The following CNTNAP2 variants were observed in gnomAD, a reference collection of about 807,000 sequenced individuals.
CNTNAP2 encodes contactin associated protein 2.
Under a neutral mutation model 155.2 loss-of-function variants are expected in CNTNAP2, and 98 were observed. The ratio of observed to expected loss-of-function variants is 0.63; its 90% CI spans 0.54 to 0.75. The LOEUF (loss-of-function observed/expected upper bound fraction) is 0.75. Ranked by LOEUF, CNTNAP2 falls within the 30% of genes least tolerant of loss-of-function variation. The pLI is 0.00. For missense variants in CNTNAP2, 1,727 were observed against 1,688.1 expected, an observed-to-expected ratio of 1.02 and a Z score of -0.40; for synonymous variants, 651 against 631.2, an observed-to-expected ratio of 1.03 and a Z score of -0.47.
intron 3 of CNTNAP2, among the ~76,000 whole-genome samples, chr7:146,894,205 T>C (rs1795833193): frequency 6.6e-6 from 1 of 152,200 alleles, no homozygotes; most frequent in Non-Finnish European, 1.5e-5. Flanking sequence ...AAGGAAACAA[T>C]ATATTCTCTG....
At chr7:146,641,219 T>C (rs746366902) in intron 1 of CNTNAP2, among the ~76,000 whole-genome samples, 2 of 151,966 alleles carry the variant, frequency 1.3e-5, no homozygotes, top group Non-Finnish European at 1.5e-5. Flanking sequence ...CCCAGCTACT[T>C]GGGAGGCTGA....
At chr7:147,938,148 G>A (rs989063086) in intron 14 of CNTNAP2, among the ~76,000 whole-genome samples, 6 of 152,326 alleles carry the variant, frequency 3.9e-5, no homozygotes, top group East Asian at 1.9e-4. Context: ...TCACTGCGTA[G>A]AGATAAGAAC....
intron 1 of CNTNAP2, among the ~76,000 whole-genome samples, chr7:146,232,777 A>G (rs802551): frequency 0.5 from 75,543 of 151,780 alleles, 19,163 homozygotes; most frequent in East Asian, 0.64. Context: ...AGTGACAAAA[A>G]CAATGTCAAA....
chr7:148,063,017 G>C (rs1489209801), intron 15 of CNTNAP2, among the ~76,000 whole-genome samples: 1 of 152,044 alleles, frequency 6.6e-6, no homozygotes, highest in East Asian at 1.9e-4. Flanking sequence ...AACAAAGCTG[G>C]CCAAAGCATT....
intron 9 of CNTNAP2, among the ~76,000 whole-genome samples, chr7:147,381,011 C>T (rs1036121444): frequency 1.3e-5 from 2 of 151,484 alleles, no homozygotes; most frequent in South Asian, 4.2e-4. Flanking sequence ...GAGTGAAAAA[C>T]GAATCTCTCA....
At chr7:148,299,194 G>A (rs895483498) in intron 21 of CNTNAP2, among the ~76,000 whole-genome samples, 5 of 152,014 alleles carry the variant, frequency 3.3e-5, no homozygotes, top group African/African-American at 1.2e-4. Context: ...GCTTCACCGT[G>A]TTAGCCAGAA....
chr7:147,923,479 G>C (rs552419362), intron 14 of CNTNAP2, among the ~76,000 whole-genome samples: 37 of 152,232 alleles, frequency 2.4e-4, no homozygotes, highest in African/African-American at 8.4e-4. Flanking sequence ...GCCTGGAGCA[G>C]ATTTTCCCCT....
intron 10 of CNTNAP2, among the ~76,000 whole-genome samples, chr7:147,451,166 C>A (rs556496035): frequency 2.0e-5 from 3 of 152,160 alleles, no homozygotes; most frequent in East Asian, 3.9e-4. Context: ...GGATTAATGT[C>A]TCCTTACATG....
At chr7:147,298,371 C>T (rs1794876378) in intron 8 of CNTNAP2, among the ~76,000 whole-genome samples, 1 of 151,888 alleles carries the variant, frequency 6.6e-6, no homozygotes, top group South Asian at 2.1e-4. Context: ...TTGCAGTGAG[C>T]CGAGATCCCG....
At chr7:148,411,003 C>A (rs1799822123) in intron 23 of CNTNAP2, among the ~76,000 whole-genome samples, 1 of 152,094 alleles carries the variant, frequency 6.6e-6, no homozygotes. Context: ...CGTAAATTTG[C>A]ACAATGAAAA....
At chr7:148,229,269 A>G (rs1795915810) in intron 19 of CNTNAP2, among the ~76,000 whole-genome samples, 1 of 152,242 alleles carries the variant, frequency 6.6e-6, no homozygotes, top group African/African-American at 2.4e-5. Flanking sequence ...CACGCCTGTA[A>G]TCCCAGCACT....
At chr7:147,768,481 T>C (rs2116531421) in intron 13 of CNTNAP2, among the ~76,000 whole-genome samples, 1 of 152,244 alleles carries the variant, frequency 6.6e-6, no homozygotes, top group African/African-American at 2.4e-5. Flanking sequence ...ATTGATTGAG[T>C]GACTGAAAAG....
chr7:147,575,107 A>AT (rs1554406899), intron 12 of CNTNAP2, among the ~76,000 whole-genome samples: 12 of 94,146 alleles, frequency 1.3e-4, no homozygotes, highest in African/African-American at 4.3e-4. Flanking sequence ...TTTGTGGGAA[A>AT]TGTGTGTGTG....
At chr7:147,506,027 T>C (rs754523105) in intron 11 of CNTNAP2, among the ~76,000 whole-genome samples, 7 of 152,158 alleles carry the variant, frequency 4.6e-5, no homozygotes, top group Non-Finnish European at 7.4e-5. Context: ...TTGTAAAAGA[T>C]AATGATAGAC....
chr7:148,117,994 C>A, intron 15 of CNTNAP2, 124 bp from the exon 16 acceptor site: 1 of 1,124,776 alleles, frequency 8.9e-7, no homozygotes, highest in Non-Finnish European at 1.3e-6. Flanking sequence ...TGTTGTTCAA[C>A]AGAATGAGAG....
At chr7:146,696,880 A>C (rs899745336) in intron 1 of CNTNAP2, among the ~76,000 whole-genome samples, 1 of 152,162 alleles carries the variant, frequency 6.6e-6, no homozygotes, top group African/African-American at 2.4e-5. Context: ...AGTATACTTT[A>C]AATAACTTCA....
intron 2 of CNTNAP2, among the ~76,000 whole-genome samples, chr7:146,806,942 G>A (rs1802978214): frequency 6.6e-6 from 1 of 152,050 alleles, no homozygotes; most frequent in African/African-American, 2.4e-5. Flanking sequence ...GTTCTTATGA[G>A]GATTAATTTG....
intron 3 of CNTNAP2, among the ~76,000 whole-genome samples, chr7:146,850,789 TA>T (rs138878609): frequency 3.3e-5 from 5 of 151,520 alleles, no homozygotes; most frequent in South Asian, 2.1e-4. Flanking sequence ...CAAATAAAAA[TA>T]AAAAAAACTA....
chr7:147,930,620 A>C (rs1348791439), intron 14 of CNTNAP2, among the ~76,000 whole-genome samples: 1 of 152,216 alleles, frequency 6.6e-6, no homozygotes, highest in Non-Finnish European at 1.5e-5. Flanking sequence ...ACAATATTAG[A>C]AGACTTGCAT....
Sources: allele counts gnomAD v4.1 joint callset (sites outside exome capture counted in the v4.1 genomes callset), GRCh38; gene constraint gnomAD v4.1.1; transcripts MANE v1.5; gene names NCBI Gene and HGNC (gene_info 2026-07-23, HGNC 2026-07-21).